Variants in ROBO2 observed in about 807,000 individuals in gnomAD.
ROBO2 encodes the protein roundabout homolog 2.
A neutral mutation model predicts 160.8 loss-of-function variants in ROBO2; 53 were observed. The ratio of observed to expected loss-of-function variants is 0.33; its 90% CI spans 0.26 to 0.41. ROBO2 has a LOEUF of 0.41. Ranked by LOEUF, ROBO2 falls within the 10% of genes least tolerant of loss-of-function variation. ROBO2 has a pLI of 1.00. For synonymous variants in ROBO2, 664 were observed against 611.7 expected (o/e 1.09, Z -1.26); for missense variants, 1,577 against 1,722.4 (o/e 0.92, Z 1.49).
At chr3:76,951,750 G>A (rs1003583873) in intron 2 of ROBO2, among the ~76,000 whole-genome samples, 6 of 151,896 alleles carry the variant, frequency 4.0e-5, no homozygotes, top group Non-Finnish European at 8.8e-5. Context: ...GTTCTACCCC[G>A]CCATGAGATT....
intron 2 of ROBO2, among the ~76,000 whole-genome samples, chr3:76,452,420 C>A (rs527348795): frequency 2.0e-5 from 3 of 151,930 alleles, no homozygotes; most frequent in Admixed American, 2.0e-4. Context: ...TGAGAACATG[C>A]GGTGTTTGTT....
chr3:76,892,878 A>G (rs1019316801), intron 2 of ROBO2, among the ~76,000 whole-genome samples: 10 of 152,196 alleles, frequency 6.6e-5, no homozygotes, highest in African/African-American at 2.2e-4. Context: ...TCTTTCTCCA[A>G]GTTGATTATT....
chr3:77,483,353 T>C (rs1339824969), intron 4 of ROBO2, among the ~76,000 whole-genome samples: 1 of 152,038 alleles, frequency 6.6e-6, no homozygotes, highest in East Asian at 1.9e-4. Flanking sequence ...TCCCTATTCT[T>C]AGAGAACATA....
intron 2 of ROBO2, among the ~76,000 whole-genome samples, chr3:77,471,908 C>A (rs2083390449): frequency 6.6e-6 from 1 of 152,106 alleles, no homozygotes; most frequent in African/African-American, 2.4e-5. Flanking sequence ...TCTGGTCTTT[C>A]CTCCTGCAGG....
intron 2 of ROBO2, among the ~76,000 whole-genome samples, chr3:76,268,733 T>C (rs1407297657): frequency 6.6e-6 from 1 of 152,180 alleles, no homozygotes; most frequent in African/African-American, 2.4e-5. Flanking sequence ...TAATATTATT[T>C]ATCATCATTT....
upstream of ROBO2, among the ~76,000 whole-genome samples, chr3:77,038,278 G>A (rs1200440022): frequency 6.6e-6 from 1 of 152,124 alleles, no homozygotes; most frequent in Non-Finnish European, 1.5e-5. Context: ...TTCTTCACAA[G>A]TAAATACTGT....
At chr3:76,259,701 T>G (rs918705370) in intron 2 of ROBO2, among the ~76,000 whole-genome samples, 28 of 152,150 alleles carry the variant, frequency 1.8e-4, no homozygotes, top group African/African-American at 6.8e-4. Context: ...TAAGAAGTGG[T>G]GGTTTCCTAA....
chr3:76,815,654 T>C (rs904824801), intron 2 of ROBO2, among the ~76,000 whole-genome samples: 2 of 139,356 alleles, frequency 1.4e-5, no homozygotes, highest in African/African-American at 5.4e-5. Context: ...GCCTATCTTC[T>C]GGGTAAATTG....
intron 2 of ROBO2, among the ~76,000 whole-genome samples, chr3:76,703,539 G>C (rs1316494611): frequency 1.3e-5 from 2 of 151,888 alleles, no homozygotes; most frequent in Admixed American, 6.6e-5. Context: ...ACAGGCTCCA[G>C]TGTGTGATGT....
intron 1 of ROBO2, among the ~76,000 whole-genome samples, chr3:77,061,275 C>T (rs2066275682): frequency 6.6e-6 from 1 of 152,114 alleles, no homozygotes; most frequent in African/African-American, 2.4e-5. Flanking sequence ...TTGTTGGTTG[C>T]CCTGGAGTTG....
chr3:76,604,194 TAG>T (rs1282563843), intron 2 of ROBO2, among the ~76,000 whole-genome samples: 7 of 152,194 alleles, frequency 4.6e-5, no homozygotes, highest in South Asian at 4.1e-4. Flanking sequence ...ATAGGGCAGA[TAG>T]AAATTGCTGT....
chr3:76,173,393 A>C (rs1344413062), intron 2 of ROBO2, among the ~76,000 whole-genome samples: 1 of 151,898 alleles, frequency 6.6e-6, no homozygotes, highest in East Asian at 1.9e-4. Context: ...CTGGACTTGC[A>C]GTTTTATTAC....
At chr3:76,201,427 A>G in intron 2 of ROBO2, among the ~76,000 whole-genome samples, 1 of 152,150 alleles carries the variant, frequency 6.6e-6, no homozygotes. Flanking sequence ...ATGAAGACTT[A>G]CCTTAAGTTA....
chr3:76,466,289 C>A (rs2078358221), intron 2 of ROBO2, among the ~76,000 whole-genome samples: 1 of 151,656 alleles, frequency 6.6e-6, no homozygotes, highest in Non-Finnish European at 1.5e-5. Flanking sequence ...AATACCTGGG[C>A]TTCATAATTT....
intron 2 of ROBO2, among the ~76,000 whole-genome samples, chr3:76,134,890 C>T (rs1559580306): frequency 6.6e-6 from 1 of 152,040 alleles, no homozygotes. Context: ...GTAGGGTAGA[C>T]TAAGCCACGG....
intron 2 of ROBO2, among the ~76,000 whole-genome samples, chr3:76,984,216 G>A (rs900129287): frequency 3.9e-5 from 6 of 152,046 alleles, no homozygotes; most frequent in Non-Finnish European, 8.8e-5. Flanking sequence ...GGCCACAGCC[G>A]AACCATATCA....
chr3:76,471,234 A>G (rs971723367), intron 2 of ROBO2, among the ~76,000 whole-genome samples: 2 of 152,172 alleles, frequency 1.3e-5, no homozygotes, highest in African/African-American at 4.8e-5. Flanking sequence ...GTAACAGGGC[A>G]AGAAATAAAT....
intron 1 of ROBO2, among the ~76,000 whole-genome samples, chr3:75,910,442 C>T (rs1946525976): frequency 6.6e-6 from 1 of 152,096 alleles, no homozygotes; most frequent in South Asian, 2.1e-4. Context: ...GTACCATGTT[C>T]ATGTAGTTGC....
intron 2 of ROBO2, among the ~76,000 whole-genome samples, chr3:76,237,936 C>T (rs1418708170): frequency 6.6e-6 from 1 of 152,160 alleles, no homozygotes; most frequent in Admixed American, 6.5e-5. Context: ...GGCATCTTAT[C>T]AGCCTTTGTG....
Sources: allele counts gnomAD v4.1 joint callset (sites outside exome capture counted in the v4.1 genomes callset), GRCh38; gene constraint gnomAD v4.1.1; transcripts MANE v1.5; gene names NCBI Gene and HGNC (gene_info 2026-07-23, HGNC 2026-07-21).